SERGEF: variants seen among roughly 807,000 people sequenced by gnomAD.
SERGEF encodes secretion-regulating guanine nucleotide exchange factor.
SERGEF carries 51 observed loss-of-function variants against 50.0 expected under a neutral mutation model. The observed-to-expected ratio is 1.02, with a 90% CI of 0.81 to 1.29. SERGEF has a LOEUF of 1.29. Ranked by LOEUF, SERGEF falls within the 50% of genes most tolerant of loss-of-function variation. SERGEF has a pLI of 0.00. For synonymous variants in SERGEF, 205 were observed against 212.4 expected (o/e 0.97, Z 0.30); for missense variants, 521 against 557.0 (o/e 0.94, Z 0.65).
At chr11:17,973,152 G>C (rs577068804) in intron 8 of SERGEF, among the ~76,000 whole-genome samples, 4 of 152,302 alleles carry the variant, frequency 2.6e-5, no homozygotes, top group Admixed American at 1.3e-4. Context: ...AAGGAAAGCC[G>C]CAGTTCCCAA....
chr11:18,009,816 A>G (rs2134016459), intron 1 of SERGEF, among the ~76,000 whole-genome samples: 1 of 152,334 alleles, frequency 6.6e-6, no homozygotes, highest in Non-Finnish European at 1.5e-5. Flanking sequence ...CAGCTTTTAG[A>G]AAAGTAATAC....
At chr11:17,805,367 C>T (rs1160290623) in intron 10 of SERGEF, among the ~76,000 whole-genome samples, 1 of 152,188 alleles carries the variant, frequency 6.6e-6, no homozygotes, top group Admixed American at 6.5e-5. Context: ...GTAACTTTCC[C>T]AATATACCCA....
At chr11:17,844,013 G>A (rs1430578464) in intron 10 of SERGEF, among the ~76,000 whole-genome samples, 1 of 152,076 alleles carries the variant, frequency 6.6e-6, no homozygotes, top group Non-Finnish European at 1.5e-5. Flanking sequence ...TCTGGAAGTG[G>A]GCCCAGGAAT....
intron 10 of SERGEF, among the ~76,000 whole-genome samples, chr11:17,816,236 TAACTC>T (rs1849972930): frequency 6.6e-6 from 1 of 152,200 alleles, no homozygotes; most frequent in African/African-American, 2.4e-5. Flanking sequence ...TTCTGAATAA[TAACTC>T]TAGTCTAAGG....
chr11:17,796,071 GAAC>G (rs1241621014), intron 10 of SERGEF, among the ~76,000 whole-genome samples: 1 of 152,132 alleles, frequency 6.6e-6, no homozygotes. Context: ...CCCAAATTGA[GAAC>G]AGTCTCTGAC....
At chr11:17,941,184 CTGA>C in intron 9 of SERGEF, among the ~76,000 whole-genome samples, 1 of 152,220 alleles carries the variant, frequency 6.6e-6, no homozygotes, top group Non-Finnish European at 1.5e-5. Flanking sequence ...TTCACATATG[CTGA>C]TGAGTCTTTC....
intron 9 of SERGEF, among the ~76,000 whole-genome samples, chr11:17,896,578 AAG>A (rs1565197797): frequency 2.8e-5 from 1 of 35,512 alleles, no homozygotes; most frequent in African/African-American, 1.1e-4. Context: ...AGGGGAAGGG[AAG>A]GGAAGGGGAA....
intron 9 of SERGEF, among the ~76,000 whole-genome samples, chr11:17,938,245 C>T (rs1852493696): frequency 6.6e-6 from 1 of 152,184 alleles, no homozygotes; most frequent in Non-Finnish European, 1.5e-5. Context: ...CTGTCAAATA[C>T]AACCATCAGA....
intron 8 of SERGEF, among the ~76,000 whole-genome samples, chr11:17,975,472 T>C (rs746979332): frequency 3.3e-5 from 5 of 152,164 alleles, no homozygotes; most frequent in Non-Finnish European, 5.9e-5. Context: ...GTTTCCTGAA[T>C]GACCTTCCAT....
At chr11:17,846,624 C>A in intron 10 of SERGEF, 1 of 449,598 alleles carries the variant, frequency 2.2e-6, no homozygotes, top group South Asian at 1.6e-5. Flanking sequence ...CGATCATCAG[C>A]ACTGAAGTCT....
rs144532608 is a variant in SERGEF at position 17,938,475 on chromosome 11, G to A, written c.1011+20995C>T. 2.7e-3 allele frequency among the ~76,000 whole-genome samples: 407 copies of A among 152,164 alleles called. 1 individual carries two copies. Among genetic ancestry groups the A allele is most frequent in the African/African-American group, 9.0e-3 (375 of 41,498 alleles). On this transcript the variant is annotated intron_variant, in intron 9 of 10. Coordinates refer to ENST00000265965, the MANE Select transcript of SERGEF (RefSeq NM_012139.4). ...AGCTAGGTTTAGAACCCAAGTGTCCGGGCTTCCAATTCCATGTGTTACATT... is the reference window on the plus strand; with the variant it reads ...AGCTAGGTTTAGAACCCAAGTGTCCAGGCTTCCAATTCCATGTGTTACATT...
Position 17,888,567 on chromosome 11 carries a change from C to T in SERGEF, c.1012-10323G>A, listed in dbSNP as rs1041311861. ...AACACAAATATAGAATGAGAGAAGG[C>T]AAAGAGAAACCCTGTGGATATCAGG... On this transcript the variant is annotated intron_variant, in intron 9 of 10. Coordinates refer to ENST00000265965, the MANE Select transcript of SERGEF (RefSeq NM_012139.4). The surrounding 1 kb of genome is among the most constrained non-coding windows in gnomAD (Gnocchi z 4.1). Among the ~76,000 whole-genome samples, 14 of 150,898 alleles carry T rather than the reference C, an allele frequency of 9.3e-5. No individual in the cohort carries two copies. The highest frequency in any genetic ancestry group is 1.9e-4 in the Non-Finnish European group (13 of 67,864).
chr11:17,850,733 T>C (rs1333300605), intron 10 of SERGEF, among the ~76,000 whole-genome samples: 1 of 152,202 alleles, frequency 6.6e-6, no homozygotes, highest in Non-Finnish European at 1.5e-5. Context: ...CCTGGGATAT[T>C]TTCCCACTCT....
chr11:17,859,179 GA>G (rs1463235509), intron 10 of SERGEF, among the ~76,000 whole-genome samples: 1 of 151,782 alleles, frequency 6.6e-6, no homozygotes, highest in Non-Finnish European at 1.5e-5. Flanking sequence ...TTAAAAATTG[GA>G]AAAAAACAGA....
chr11:17,926,903 T>C, intron 9 of SERGEF: 1 of 455,028 alleles, frequency 2.2e-6, no homozygotes, highest in Non-Finnish European at 4.4e-6. Flanking sequence ...TACCCACTGG[T>C]CTAGATCACT....
intron 3 of SERGEF, among the ~76,000 whole-genome samples, chr11:18,005,689 A>C (rs966078788): frequency 6.6e-6 from 1 of 152,212 alleles, no homozygotes; most frequent in African/African-American, 2.4e-5. Context: ...AGCTGAACAG[A>C]GAGGTCAAAA....
chr11:17,864,048 A>G (rs1590164005), intron 10 of SERGEF, among the ~76,000 whole-genome samples: 1 of 152,244 alleles, frequency 6.6e-6, no homozygotes. Flanking sequence ...AGTTATCACC[A>G]TAACTCTAGT....
At chr11:17,935,835 A>AAT (rs1238972578) in intron 9 of SERGEF, among the ~76,000 whole-genome samples, 1 of 152,226 alleles carries the variant, frequency 6.6e-6, no homozygotes, top group African/African-American at 2.4e-5. Flanking sequence ...ATAAATAATA[A>AAT]ATACAACAAA....
chr11:17,950,966 G>C (rs982880209), intron 9 of SERGEF, among the ~76,000 whole-genome samples: 1 of 152,176 alleles, frequency 6.6e-6, no homozygotes, highest in African/African-American at 2.4e-5. Context: ...TGAAAAAAAA[G>C]CAAGCCAGAG....
Sources: allele counts gnomAD v4.1 joint callset (sites outside exome capture counted in the v4.1 genomes callset), GRCh38; gene constraint gnomAD v4.1.1; non-coding constraint Gnocchi (gnomAD v3.1); transcripts MANE v1.5; gene names NCBI Gene and HGNC (gene_info 2026-07-23, HGNC 2026-07-21).